PLCL2: variants seen among roughly 807,000 people sequenced by gnomAD.
The protein encoded by PLCL2 is inactive phospholipase C-like protein 2.
PLCL2 carries 4 observed loss-of-function variants against 79.6 expected under a neutral mutation model. That is an observed-to-expected ratio of 0.05 (90% CI 0.02 to 0.11). The LOEUF (loss-of-function observed/expected upper bound fraction) is 0.11. Among genes scored for constraint, PLCL2 ranks in the 10% least tolerant of loss-of-function variants. The pLI is 1.00. For missense variants in PLCL2, 895 were observed against 1,291.0 expected (o/e 0.69, Z 4.70); for synonymous variants, 484 against 457.7 (o/e 1.06, Z -0.73).
chr3:16,964,101 C>T (rs1245654713), intron 1 of PLCL2, among the ~76,000 whole-genome samples: 2 of 152,024 alleles, frequency 1.3e-5, no homozygotes, highest in African/African-American at 2.4e-5. Flanking sequence ...TATGCATGTG[C>T]CATGTTGGTG....
chr3:17,049,261 G>C (rs1047646206), intron 4 of PLCL2, among the ~76,000 whole-genome samples: 42 of 152,160 alleles, frequency 2.8e-4, no homozygotes, highest in African/African-American at 9.9e-4. Flanking sequence ...GCCAGCAAAG[G>C]ATGGTTTGAT....
At position 17,010,016 on chromosome 3, in the gene PLCL2, G is replaced by A. The variant is rs933987581; in HGVS notation, c.670G>A (p.Glu224Lys). 2.5e-6 allele frequency: 4 copies of A among 1,613,456 alleles called. No homozygotes were observed. In the African/African-American group the frequency reaches 5.3e-5, roughly 22 times the overall value. Residue 224 changes from glutamate (E) to lysine (K), a missense_variant, in exon 2 of 6, where the codon GAG becomes AAG. Physicochemically the swap from Glu to Lys is moderately conservative, Grantham distance 56. Around this residue, in one of 6 missense-constraint regions of PLCL2, gnomAD observed 129 missense variants for 208.8 expected, o/e 0.62. Coordinates refer to ENST00000615277, the MANE Select transcript of PLCL2 (RefSeq NM_001144382.2). The surrounding 1 kb of genome is among the most constrained non-coding windows in gnomAD (Gnocchi z 5.8). ...TTGTGCGTTTTCCGTCATATATGGA[G>A]AGAATTATGAGTCACTGGATTTGGT... is the stretch of plus-strand genomic sequence containing the variant. ...EDCAFSVIYG[E>K]NYESLDLVAN...
intron 1 of PLCL2, among the ~76,000 whole-genome samples, chr3:16,972,330 T>C (rs2063879786): frequency 6.6e-6 from 1 of 152,224 alleles, no homozygotes; most frequent in African/African-American, 2.4e-5. Flanking sequence ...ACTTGATTTA[T>C]ATTTTTATTG....
chr3:16,937,768 C>T (rs1444423402), intron 1 of PLCL2, among the ~76,000 whole-genome samples: 2 of 152,324 alleles, frequency 1.3e-5, no homozygotes, highest in South Asian at 2.1e-4. Context: ...ATTTCCCCCT[C>T]CCTGTTGCCG....
chr3:17,090,207 G>A lies in PLCL2; in HGVS notation c.*295G>A, dbSNP rs2065259128. 9.5e-7 allele frequency: 1 copy of A among 1,049,628 alleles called. No individual in the cohort carries two copies. The highest frequency in any genetic ancestry group is 5.4e-5 in the Admixed American group (1 of 18,574). The allele number at this position is 1,049,628 out of a possible 1,614,324, so 65.0% of individuals were successfully genotyped here. A position where few individuals can be genotyped will look rare whatever the true frequency, so the allele number is the denominator to read the frequency against. ...AGATTATTCACTCTAGCTCCACTGA[G>A]AAACATTTTCCTAAGTGAAAACAAT... On this transcript the variant is annotated 3_prime_UTR_variant, in exon 6 of 6. Coordinates refer to ENST00000615277, the MANE Select transcript of PLCL2 (RefSeq NM_001144382.2).
intron 1 of PLCL2, among the ~76,000 whole-genome samples, chr3:16,984,825 G>T (rs373494244): frequency 6.6e-6 from 1 of 151,920 alleles, no homozygotes; most frequent in African/African-American, 2.4e-5. Flanking sequence ...CCAGCTACTC[G>T]GGACGCTGAG....
At position 17,009,777 on chromosome 3, in the gene PLCL2, T is replaced by C; in HGVS notation, c.431T>C (p.Val144Ala). The C allele has an allele frequency of 6.2e-7, 1 of 1,613,864 alleles. No homozygotes were observed. Among genetic ancestry groups the C allele is most frequent in the East Asian group, 2.2e-5 (1 of 44,856 alleles). ...SSASDCINSMVEGSELKKVRS... is the reference protein window; with the variant it reads ...SSASDCINSMAEGSELKKVRS... ...GCAAGTGATTGTATTAATTCAATGG[T>C]TGAGGGTTCAGAACTCAAAAAGGTT... The change falls in exon 2 of 6, where the codon GTT becomes GCT. Residue 144 changes from valine to alanine, a missense_variant. Physicochemically the swap from Val to Ala is moderately conservative, Grantham distance 64 (BLOSUM62 0). Coordinates refer to ENST00000615277, the MANE Select transcript of PLCL2 (RefSeq NM_001144382.2). This position sits in a 1 kb window ranked among gnomAD's most constrained non-coding sequence, Gnocchi z 4.0.
intron 5 of PLCL2, among the ~76,000 whole-genome samples, chr3:17,073,332 C>T (rs1345046743): frequency 6.6e-6 from 1 of 152,128 alleles, no homozygotes; most frequent in Non-Finnish European, 1.5e-5. Flanking sequence ...TGTGCAGTAG[C>T]TTTTATGTCT....
intron 1 of PLCL2, among the ~76,000 whole-genome samples, chr3:16,991,273 T>C (rs528065009): frequency 1.3e-5 from 2 of 152,318 alleles, no homozygotes; most frequent in South Asian, 4.1e-4. Flanking sequence ...AGGTCCTGCT[T>C]CACAGAGTTG....
At chr3:16,964,443 C>G (rs1215233166) in intron 1 of PLCL2, among the ~76,000 whole-genome samples, 1 of 152,040 alleles carries the variant, frequency 6.6e-6, no homozygotes, top group Admixed American at 6.6e-5. Flanking sequence ...GGGTTGGTTC[C>G]AAGTCTTTGC....
At chr3:16,985,173 C>G (rs1439940630) in intron 1 of PLCL2, among the ~76,000 whole-genome samples, 1 of 152,054 alleles carries the variant, frequency 6.6e-6, no homozygotes, top group East Asian at 1.9e-4. Flanking sequence ...TCAAGAGGCC[C>G]TGGGAAGCAT....
At chr3:17,056,454 G>T (rs970068113) in intron 4 of PLCL2, among the ~76,000 whole-genome samples, 11 of 152,060 alleles carry the variant, frequency 7.2e-5, no homozygotes, top group South Asian at 2.1e-4. Context: ...AAATATATAA[G>T]GGATTGTAAA....
chr3:17,073,007 TA>T (rs1360816789), intron 5 of PLCL2, among the ~76,000 whole-genome samples: 1 of 152,172 alleles, frequency 6.6e-6, no homozygotes, highest in Non-Finnish European at 1.5e-5. Flanking sequence ...GGAGAGGGTG[TA>T]ATCCATTCCC....
At chr3:16,967,611 G>T (rs755969353) in intron 1 of PLCL2, among the ~76,000 whole-genome samples, 4 of 151,392 alleles carry the variant, frequency 2.6e-5, no homozygotes, top group African/African-American at 7.3e-5. Context: ...TTTTAATGGG[G>T]TTTTTTTTGT....
At chr3:17,034,361 G>C (rs1241282545) in intron 3 of PLCL2, among the ~76,000 whole-genome samples, 1 of 152,058 alleles carries the variant, frequency 6.6e-6, no homozygotes, top group African/African-American at 2.4e-5. Flanking sequence ...TGGAATAAGT[G>C]GGTTGGAAAA....
intron 1 of PLCL2, chr3:16,933,376 T>G (rs1697456270): frequency 6.5e-6 from 1 of 154,436 alleles, no homozygotes. Flanking sequence ...TCTAAAACGC[T>G]TACGACTACT....
intron 1 of PLCL2, among the ~76,000 whole-genome samples, chr3:16,955,905 T>A (rs1257395210): frequency 2.0e-5 from 3 of 152,242 alleles, no homozygotes; most frequent in Non-Finnish European, 2.9e-5. Flanking sequence ...CTGAAGTTGC[T>A]TATCAGCTTA....
chr3:16,922,272 G>A (rs1265303203), intron 1 of PLCL2, among the ~76,000 whole-genome samples: 3 of 152,098 alleles, frequency 2.0e-5, no homozygotes, highest in African/African-American at 4.8e-5. Context: ...CTCCCTCAAA[G>A]CTTTAAAACA....
intron 1 of PLCL2, among the ~76,000 whole-genome samples, chr3:16,972,455 TAAG>T (rs1400618680): frequency 1.3e-5 from 2 of 152,188 alleles, no homozygotes; most frequent in African/African-American, 2.4e-5. Context: ...CATGTGCAAA[TAAG>T]AAGAATGTAT....
Sources: allele counts gnomAD v4.1 joint callset (sites outside exome capture counted in the v4.1 genomes callset), GRCh38; gene constraint gnomAD v4.1.1; regional missense constraint gnomAD v4.1.1; non-coding constraint Gnocchi (gnomAD v3.1); transcripts MANE v1.5; gene names NCBI Gene and HGNC (gene_info 2026-07-23, HGNC 2026-07-21).